The following NPSR1 variants were observed in gnomAD, a reference collection of about 807,000 sequenced individuals.
NPSR1 encodes neuropeptide S receptor 1.
In NPSR1, 48 loss-of-function variants were observed where a neutral mutation model predicts 46.9. The observed-to-expected ratio is 1.02, with a 90% CI of 0.81 to 1.30. The LOEUF is 1.30. NPSR1 is among the 50% of genes most tolerant of loss of function. The probability of loss-of-function intolerance (pLI) is 0.00; values close to 1 mark genes in which losing one functional copy is unlikely to be tolerated. For synonymous variants in NPSR1, 176 were observed against 168.1 expected (o/e 1.05, Z -0.36); for missense variants, 450 against 449.5 (o/e 1.00, Z -0.01).
At chr7:34,820,754 ATAGT>A (rs1789515201) in intron 4 of NPSR1, among the ~76,000 whole-genome samples, 1 of 152,164 alleles carries the variant, frequency 6.6e-6, no homozygotes, top group South Asian at 2.1e-4. Context: ...CTTCCAGATT[ATAGT>A]TAGATTTAAA....
At chr7:34,875,379 T>C (rs142987126) in intron 8 of NPSR1, among the ~76,000 whole-genome samples, 2 of 152,212 alleles carry the variant, frequency 1.3e-5, no homozygotes, top group African/African-American at 4.8e-5. Flanking sequence ...ACATTGAAGA[T>C]TGAGAAGCCC....
chr7:34,868,404 GA>G (rs1225978344), intron 8 of NPSR1, among the ~76,000 whole-genome samples: 1 of 151,568 alleles, frequency 6.6e-6, no homozygotes, highest in Non-Finnish European at 1.5e-5. Context: ...TCAAAGTTGG[GA>G]ATTACAGCAT....
intron 3 of NPSR1, among the ~76,000 whole-genome samples, chr7:34,805,999 AT>A (rs1174993495): frequency 6.6e-6 from 1 of 152,050 alleles, no homozygotes; most frequent in Non-Finnish European, 1.5e-5. Flanking sequence ...CTATTAGATA[AT>A]CACTAAAATT....
intron 2 of NPSR1, among the ~76,000 whole-genome samples, chr7:34,753,224 G>A (rs1785635975): frequency 1.3e-5 from 2 of 152,192 alleles, no homozygotes; most frequent in Admixed American, 6.5e-5. Context: ...TGGAGATGCT[G>A]ATGCTGCCAA....
intron 2 of NPSR1, among the ~76,000 whole-genome samples, chr7:34,687,281 A>G (rs540924450): frequency 6.6e-6 from 1 of 152,340 alleles, no homozygotes; most frequent in South Asian, 2.1e-4. Context: ...GGCTAAAAAT[A>G]AATTATTCTA....
intron 3 of NPSR1, among the ~76,000 whole-genome samples, chr7:34,790,879 T>G (rs1787754952): frequency 7.4e-6 from 1 of 135,282 alleles, no homozygotes; most frequent in Non-Finnish European, 1.5e-5. Context: ...TTATATGTTA[T>G]ATTATATATC....
intron 5 of NPSR1, among the ~76,000 whole-genome samples, chr7:34,829,529 A>C (rs1195832671): frequency 6.6e-6 from 1 of 152,218 alleles, no homozygotes; most frequent in East Asian, 1.9e-4. Flanking sequence ...TGAGCAACTG[A>C]GGCATCGATT....
chr7:34,777,639 G>A (rs1447580612), intron 2 of NPSR1, among the ~76,000 whole-genome samples: 4 of 152,106 alleles, frequency 2.6e-5, no homozygotes, highest in South Asian at 2.1e-4. Context: ...GGGAGGAAGA[G>A]GGAACGATCA....
chr7:34,728,528 C>T (rs1784270594), intron 2 of NPSR1, among the ~76,000 whole-genome samples: 1 of 152,208 alleles, frequency 6.6e-6, no homozygotes, highest in African/African-American at 2.4e-5. Context: ...TTAAAAATAA[C>T]TGGACTTTGA....
intron 4 of NPSR1, among the ~76,000 whole-genome samples, chr7:34,823,914 C>T (rs778995430): frequency 5.9e-4 from 90 of 152,218 alleles, no homozygotes; most frequent in Non-Finnish European, 1.0e-3. Context: ...TCAGTTTCAA[C>T]CAAAGATACC....
downstream of NPSR1, among the ~76,000 whole-genome samples, chr7:34,853,669 A>G (rs1790988608): frequency 6.6e-6 from 1 of 152,102 alleles, no homozygotes; most frequent in South Asian, 2.1e-4. Context: ...CAATATTAAT[A>G]TTTTTACACG....
intron 1 of NPSR1, among the ~76,000 whole-genome samples, chr7:34,667,978 C>T (rs1246156338): frequency 1.3e-5 from 2 of 151,938 alleles, no homozygotes; most frequent in African/African-American, 4.8e-5. Flanking sequence ...CTTATAACCC[C>T]CCTAACATAT....
intron 2 of NPSR1, among the ~76,000 whole-genome samples, chr7:34,776,534 G>C (rs961306956): frequency 6.6e-6 from 1 of 152,040 alleles, no homozygotes; most frequent in Non-Finnish European, 1.5e-5. Context: ...CTCTTTTGTG[G>C]TTTCCATTGA....
At chr7:34,864,779 T>G in intron 8 of NPSR1, among the ~76,000 whole-genome samples, 1 of 151,812 alleles carries the variant, frequency 6.6e-6, no homozygotes, top group East Asian at 1.9e-4. Flanking sequence ...CCCTTATTAC[T>G]AACAAATGTG....
At chr7:34,717,789 A>G (rs1783652736) in intron 2 of NPSR1, among the ~76,000 whole-genome samples, 1 of 152,214 alleles carries the variant, frequency 6.6e-6, no homozygotes, top group South Asian at 2.1e-4. Context: ...TCAGTGTGCA[A>G]ATTCAGCAGG....
intron 2 of NPSR1, among the ~76,000 whole-genome samples, chr7:34,748,199 C>T (rs1008860042): frequency 1.3e-5 from 2 of 152,224 alleles, no homozygotes; most frequent in African/African-American, 2.4e-5. Flanking sequence ...AGGATCAAGG[C>T]ATACTTTTTA....
intron 3 of NPSR1, among the ~76,000 whole-genome samples, chr7:34,782,475 C>G (rs970294117): frequency 3.9e-5 from 6 of 152,112 alleles, no homozygotes; most frequent in African/African-American, 1.4e-4. Context: ...CACTGAGGAT[C>G]CTTATGATCT....
chr7:34,802,687 A>G (rs368110866), intron 3 of NPSR1, among the ~76,000 whole-genome samples: 2,730 of 150,508 alleles, frequency 0.018, 238 homozygotes, highest in African/African-American at 0.048. Context: ...CACCAAAAGC[A>G]ATGGCAACAA....
At chr7:34,820,975 G>A (rs934908565) in intron 4 of NPSR1, among the ~76,000 whole-genome samples, 12 of 152,080 alleles carry the variant, frequency 7.9e-5, no homozygotes, top group Admixed American at 3.9e-4. Context: ...GAGGTATAAT[G>A]AGACACACCT....
Sources: gnomAD v4.1 joint callset for allele counts (sites outside exome capture counted in the v4.1 genomes callset) on GRCh38, gnomAD v4.1.1 for gene constraint, MANE v1.5 for transcripts, NCBI Gene and HGNC (gene_info 2026-07-23, HGNC 2026-07-21) for gene names.